The following KTN1 variants were observed in gnomAD, a reference collection of about 807,000 sequenced individuals.
KTN1 encodes kinectin.
In KTN1, 130 loss-of-function variants were observed where a neutral mutation model predicts 222.5. The observed-to-expected ratio is 0.58, with a 90% CI of 0.51 to 0.68. The LOEUF is 0.68. Among genes scored for constraint, KTN1 ranks in the 30% least tolerant of loss-of-function variants. KTN1 has a pLI of 0.00. For missense variants in KTN1, 1,508 were observed against 1,500.4 expected (o/e 1.01, Z -0.08); for synonymous variants, 512 against 496.3 (o/e 1.03, Z -0.42).
At chr14:55,591,581 CTTTTTTTTTTTTT>C (rs71131297) in intron 1 of KTN1, among the ~76,000 whole-genome samples, 6 of 87,680 alleles carry the variant, frequency 6.8e-5, no homozygotes, top group African/African-American at 1.3e-4. Context: ...TTCTCTCTTT[CTTTTTTTTTTTTT>C]TTTTTTTTTT....
Position 55,652,888 on chromosome 14 carries a change from C to T in KTN1, c.2642C>T (p.Ala881Val). The T allele has an allele frequency of 1.9e-6, 3 of 1,610,402 alleles. No individual in the cohort carries two copies. The highest frequency in any genetic ancestry group is 1.1e-5 in the South Asian group (1 of 90,684). ...GAGGAACAGATGAATACCATGAAGG[C>T]TGTTTTGGAAGAGAAAGAGAAAGAC... ...GKEEQMNTMKAVLEEKEKDLA... is the reference protein window; with the variant it reads ...GKEEQMNTMKVVLEEKEKDLA... Residue 881 changes from alanine (A) to valine (V), a missense_variant, in exon 26 of 44, where the codon GCT (alanine) becomes GTT (valine). Transcript: ENST00000395314.
chr14:55,655,662 G>A (rs1313297374), intron 28 of KTN1, among the ~76,000 whole-genome samples: 1 of 152,128 alleles, frequency 6.6e-6, no homozygotes, highest in African/African-American at 2.4e-5. Flanking sequence ...ATTATCCATA[G>A]CATCTCTTCA....
At chr14:55,679,924 C>CACA in intron 43 of KTN1, 1 of 451,458 alleles carries the variant, frequency 2.2e-6, no homozygotes, top group Non-Finnish European at 3.9e-6. Flanking sequence ...CAAACAGACT[C>CACA]TCTTGTAACT....
In KTN1 at chr14:55,619,272, T is replaced by C; in HGVS notation, c.923T>C (p.Leu308Pro). The part of the protein sequence containing the change: ...EDEALCVVDL[L>P]KEKSGVIQDA... Reference sequence around the variant, plus strand: ...GAGGCTCTTTGTGTTGTAGACTTGCTAAAGGAGAAGTCTGGTGTAATACAA... The same window carrying C: ...GAGGCTCTTTGTGTTGTAGACTTGCCAAAGGAGAAGTCTGGTGTAATACAA... Residue 308 changes from leucine (L) to proline (P), a missense_variant, in exon 5 of 44, where the codon CTA (leucine) becomes CCA (proline). Leu to Pro is a moderately conservative substitution (Grantham distance 98). Transcript: ENST00000395314. 6.2e-7 allele frequency: 1 copy of C among 1,613,462 alleles called. No individual in the cohort carries two copies. Among genetic ancestry groups the C allele is most frequent in the Non-Finnish European group, 8.5e-7 (1 of 1,179,488 alleles).
In KTN1 at chr14:55,672,922, T is replaced by C; in HGVS notation, c.3604-7T>C. 1 of 1,609,844 alleles carries C rather than the reference T, an allele frequency of 6.2e-7. No homozygotes were observed. The highest frequency in any genetic ancestry group is 8.5e-7 in the Non-Finnish European group (1 of 1,176,572). ...GTGTGTTAACTTTTCCTTTGTTGCATTGCTAGCTGAGAAGAGAACGAGAAC... is the reference window on the plus strand; with the variant it reads ...GTGTGTTAACTTTTCCTTTGTTGCACTGCTAGCTGAGAAGAGAACGAGAAC... On this transcript the variant is annotated splice_region_variant and splice_polypyrimidine_tract_variant and intron_variant, in intron 38 of 43. Coordinates refer to ENST00000395314, the MANE Select transcript of KTN1 (RefSeq NM_001079521.2).
chr14:55,637,141 AGT>A, intron 10 of KTN1, 55 bp from the exon 11 acceptor site: 1 of 1,297,110 alleles, frequency 7.7e-7, no homozygotes, highest in Non-Finnish European at 1.1e-6. Flanking sequence ...ACGAAAGATG[AGT>A]ATGAGTAACT....
chr14:55,621,171 G>A (rs2039080633), intron 5 of KTN1, among the ~76,000 whole-genome samples: 1 of 152,036 alleles, frequency 6.6e-6, no homozygotes. Context: ...ATCTCCATCT[G>A]AGATGACCTC....
At chr14:55,643,558 T>C (rs1407678400) in intron 18 of KTN1, among the ~76,000 whole-genome samples, 2 of 152,318 alleles carry the variant, frequency 1.3e-5, no homozygotes, top group East Asian at 3.9e-4. Context: ...AAAATTAACT[T>C]CATGGAGGTA....
chr14:55,665,999 CT>C (rs1455589210), intron 33 of KTN1, among the ~76,000 whole-genome samples: 1 of 151,722 alleles, frequency 6.6e-6, no homozygotes, highest in Admixed American at 6.6e-5. Context: ...AAGATTAGTA[CT>C]TTGGTCAAAT....
At chr14:55,582,264 C>T (rs1326174208) in intron 1 of KTN1, among the ~76,000 whole-genome samples, 1 of 152,118 alleles carries the variant, frequency 6.6e-6, no homozygotes, top group African/African-American at 2.4e-5. Context: ...CCAGTAGTCT[C>T]TTCTGTTTGA....
Position 55,636,482 on chromosome 14 carries a change from G to A in KTN1, c.1495G>A (p.Glu499Lys). Reference protein sequence around the residue: ...QLQEAERRWEEVQSYIRKRTA... With the variant: ...QLQEAERRWEKVQSYIRKRTA... ...ACAAGAAGCTGAGAGAAGGTGGGAA[G>A]AAGTTCAGAGCTACATCAGGAAGAG... Residue 499 changes from glutamate (E) to lysine (K), a missense_variant, in exon 10 of 44, where the codon GAA (glutamate) becomes AAA (lysine). Transcript: ENST00000395314. 2 of 1,611,388 alleles carry A rather than the reference G, an allele frequency of 1.2e-6. No homozygotes were observed.
At chr14:55,667,982 C>T (rs2045018449) in intron 34 of KTN1, 1 of 151,344 alleles carries the variant, frequency 6.6e-6, no homozygotes, top group Non-Finnish European at 1.5e-5. Context: ...ATGTACCCAA[C>T]ATCTCTCCAT....
chr14:55,632,075 AC>A (rs1438518262), intron 7 of KTN1, among the ~76,000 whole-genome samples: 1 of 152,172 alleles, frequency 6.6e-6, no homozygotes, highest in African/African-American at 2.4e-5. Flanking sequence ...TCATGTTCTT[AC>A]CCTATCCACT....
At chr14:55,584,915 T>G (rs1280577692) in intron 1 of KTN1, among the ~76,000 whole-genome samples, 1 of 152,074 alleles carries the variant, frequency 6.6e-6, no homozygotes, top group Admixed American at 6.5e-5. Context: ...TGTGGATTGC[T>G]TGAGCCCAGC....
In KTN1 at chr14:55,678,332, C is replaced by T; in HGVS notation, c.3856-20C>T. On this transcript the variant is annotated intron_variant, in intron 41 of 43. Transcript: ENST00000395314. Reference sequence around the variant, plus strand: ...TATCAACTGTATTACTTAGTAGCTACCATATTGTTTTCCTTATAGGCTCAA... The same window carrying T: ...TATCAACTGTATTACTTAGTAGCTATCATATTGTTTTCCTTATAGGCTCAA... 5.7e-6 allele frequency: 8 copies of T among 1,412,910 alleles called. No individual in the cohort carries two copies. The highest frequency in any genetic ancestry group is 1.7e-5 in the Admixed American group (1 of 59,626). The allele number at this position is 1,412,910 out of a possible 1,614,324, so 87.5% of individuals were successfully genotyped here.
Position 55,684,494 on chromosome 14 carries a change from T to G in KTN1, c.*391T>G. 1 of 220,378 alleles carries G rather than the reference T, an allele frequency of 4.5e-6. No homozygotes were observed. Among genetic ancestry groups the G allele is most frequent in the Non-Finnish European group, 9.1e-6 (1 of 110,482 alleles). 13.7% of individuals were successfully genotyped at this position (220,378 alleles called of 1,614,324 possible). A position where few individuals can be genotyped will look rare whatever the true frequency, so the allele number is the denominator to read the frequency against. On this transcript the variant is annotated 3_prime_UTR_variant, in exon 44 of 44. Transcript: ENST00000395314. Reference sequence around the variant, plus strand: ...ATTTTGGGAAGTAACTGCCTCTGACTTCAACTCAAGAAAACACTTTTTTGT... The same window carrying G: ...ATTTTGGGAAGTAACTGCCTCTGACGTCAACTCAAGAAAACACTTTTTTGT...
chr14:55,663,962 G>A lies in KTN1; in HGVS notation c.3098G>A (p.Arg1033Gln), dbSNP rs780262282. 5.6e-6 allele frequency: 9 copies of A among 1,609,694 alleles called. No homozygotes were observed. Among genetic ancestry groups the A allele is most frequent in the African/African-American group, 2.7e-5 (2 of 74,826 alleles). The change falls in exon 33 of 44, where the codon CGG becomes CAG. Residue 1033 changes from arginine (R) to glutamine (Q), a missense_variant. Physicochemically the swap from Arg to Gln is conservative, Grantham distance 43. Coordinates refer to ENST00000395314, the MANE Select transcript of KTN1 (RefSeq NM_001079521.2). ...EHQRKKNNDLREKNWEAMEAL... is the reference protein window; with the variant it reads ...EHQRKKNNDLQEKNWEAMEAL... ...CTTTCTAAAAATGATTAGGACCTTCGGGAGAAAAACTGGGAAGCAATGGAA... is the reference window on the plus strand; with the variant it reads ...CTTTCTAAAAATGATTAGGACCTTCAGGAGAAAAACTGGGAAGCAATGGAA...
intron 1 of KTN1, among the ~76,000 whole-genome samples, chr14:55,596,154 C>CAAAAAAAAAAAAAAAAAAAAAAAAAAGA (rs71448460): frequency 4.9e-5 from 3 of 61,128 alleles, no homozygotes; most frequent in Non-Finnish European, 9.1e-5. Context: ...GACTCAATAG[C>CAAAAAAAAAAAAAAAAAAAAAAAAAAGA]AAAAAAAAAA....
chr14:55,670,723 C>T lies in KTN1; in HGVS notation c.3268-6C>T. On this transcript the variant is annotated splice_polypyrimidine_tract_variant and splice_region_variant and intron_variant, in intron 34 of 43. Transcript: ENST00000395314. ...AATTAATGATTTTAACTTTTCTCGT[C>T]CACAGAGTTATGGTGAATGGTTGCA... The T allele has an allele frequency of 4.5e-6, 7 of 1,564,814 alleles. No individual in the cohort carries two copies. Among genetic ancestry groups the T allele is most frequent in the Non-Finnish European group, 6.1e-6 (7 of 1,152,696 alleles).
Sources: gnomAD v4.1 joint callset for allele counts (sites outside exome capture counted in the v4.1 genomes callset) on GRCh38, gnomAD v4.1.1 for gene constraint, MANE v1.5 for transcripts, NCBI Gene and HGNC (gene_info 2026-07-23, HGNC 2026-07-21) for gene names.